PACSIN2: variants seen among roughly 807,000 people sequenced by gnomAD.
PACSIN2 encodes the protein protein kinase C and casein kinase substrate in neurons 2.
A neutral mutation model predicts 63.8 loss-of-function variants in PACSIN2; 25 were observed. The ratio of observed to expected loss-of-function variants is 0.39; its 90% confidence interval spans 0.29 to 0.55. PACSIN2 has a LOEUF of 0.55. Among genes scored for constraint, PACSIN2 ranks in the 20% least tolerant of loss-of-function variants. PACSIN2 has a pLI of 0.62. For synonymous variants in PACSIN2, 255 were observed against 256.2 expected (o/e 1.00, Z 0.05); for missense variants, 518 against 646.9 (o/e 0.80, Z 2.16).
At chr22:42,910,135 C>G (rs376979947) in intron 2 of PACSIN2, among the ~76,000 whole-genome samples, 60 of 152,318 alleles carry the variant, frequency 3.9e-4, no homozygotes, top group Admixed American at 1.1e-3. Flanking sequence ...CCCAGACCTC[C>G]TGGCTCCAAA....
intron 8 of PACSIN2, among the ~76,000 whole-genome samples, 185 bp downstream of exon 8, chr22:42,878,863 G>A (rs879757340): frequency 2.6e-5 from 4 of 151,910 alleles, no homozygotes; most frequent in Non-Finnish European, 5.9e-5. Context: ...ATGCCCCTGG[G>A]CCACGGCCCA....
At chr22:42,993,434 G>C (rs1923185742) in intron 1 of PACSIN2, among the ~76,000 whole-genome samples, 1 of 152,070 alleles carries the variant, frequency 6.6e-6, no homozygotes. Flanking sequence ...CAATAAAACT[G>C]TTTCAAATTT....
chr22:42,895,249 G>A (rs1930197150), intron 2 of PACSIN2, among the ~76,000 whole-genome samples: 2 of 152,228 alleles, frequency 1.3e-5, no homozygotes, highest in Non-Finnish European at 2.9e-5. Flanking sequence ...GTGACATTAT[G>A]TGGTTGCTTC....
At chr22:43,010,708 G>A (rs188018484) in intron 1 of PACSIN2, among the ~76,000 whole-genome samples, 12 of 152,122 alleles carry the variant, frequency 7.9e-5, no homozygotes, top group Admixed American at 2.6e-4. Flanking sequence ...GCGAGACTCC[G>A]TCTCAACAAC....
At chr22:42,985,565 G>A (rs1191164332) in intron 1 of PACSIN2, among the ~76,000 whole-genome samples, 1 of 152,046 alleles carries the variant, frequency 6.6e-6, no homozygotes, top group Non-Finnish European at 1.5e-5. Context: ...TCCAGCCCTC[G>A]CTCGGCCAAC....
rs201358924 is a variant in PACSIN2 at position 42,871,320 on chromosome 22, G to A, written c.*37C>T. 6,694 of 1,369,698 alleles carry A rather than the reference G, an allele frequency of 4.9e-3. 40 individuals are homozygous for A. Among genetic ancestry groups the A allele is most frequent in the Non-Finnish European group, 4.9e-3 (4,751 of 967,796 alleles). The allele number at this position is 1,369,698 out of a possible 1,614,324, so 84.8% of individuals were successfully genotyped here. A position where few individuals can be genotyped will look rare whatever the true frequency, so the allele number is the denominator to read the frequency against. On this transcript the variant is annotated 3_prime_UTR_variant, in exon 11 of 11. Transcript: ENST00000263246. This position sits in a 1 kb window ranked among gnomAD's most constrained non-coding sequence, Gnocchi z 5.4. The stretch of plus-strand genomic sequence containing the variant: ...GTGGCTGGCTGAGGCTCCTGGGCCC[G>A]CCGCCTCCGTCCCCCCGCTGGCCTG...
intron 1 of PACSIN2, among the ~76,000 whole-genome samples, chr22:42,924,223 C>T (rs1302363336): frequency 1.3e-5 from 2 of 152,194 alleles, no homozygotes; most frequent in East Asian, 3.9e-4. Context: ...GACCAGACCC[C>T]CTGCATCTCT....
chr22:42,943,159 G>C (rs1933251813), intron 1 of PACSIN2, among the ~76,000 whole-genome samples: 1 of 152,118 alleles, frequency 6.6e-6, no homozygotes, highest in Admixed American at 6.5e-5. Context: ...TATAATAAAT[G>C]AAACTGTTTT....
chr22:42,963,318 A>G (rs1040627610), intron 1 of PACSIN2, among the ~76,000 whole-genome samples: 3 of 152,228 alleles, frequency 2.0e-5, no homozygotes, highest in African/African-American at 7.2e-5. Flanking sequence ...TTAAGGCGGA[A>G]GAAAATTCAG....
chr22:42,907,486 C>G (rs1019771394), intron 2 of PACSIN2, among the ~76,000 whole-genome samples: 1 of 152,230 alleles, frequency 6.6e-6, no homozygotes. Flanking sequence ...TATGTGAGCA[C>G]GGTGGGGTGA....
chr22:42,877,249 C>T (rs1184559376), intron 8 of PACSIN2, among the ~76,000 whole-genome samples: 2 of 152,176 alleles, frequency 1.3e-5, no homozygotes, highest in African/African-American at 4.8e-5. Flanking sequence ...CACCTGGAGA[C>T]AGTCCGTCCA....
At chr22:42,999,268 C>A (rs1191425081) in intron 1 of PACSIN2, among the ~76,000 whole-genome samples, 2 of 152,186 alleles carry the variant, frequency 1.3e-5, no homozygotes, top group Non-Finnish European at 2.9e-5. Context: ...AGCAAACCAG[C>A]CACACCCCTG....
chr22:42,928,608 T>G (rs1186414188), intron 1 of PACSIN2, among the ~76,000 whole-genome samples: 1 of 152,170 alleles, frequency 6.6e-6, no homozygotes, highest in Non-Finnish European at 1.5e-5. Context: ...CAGTAGATGG[T>G]GTTAATGTCT....
At chr22:42,888,879 G>A in intron 4 of PACSIN2, 81 bp from the exon 5 acceptor site, 5 of 1,428,558 alleles carry the variant, frequency 3.5e-6, no homozygotes, top group Non-Finnish European at 3.9e-6. Flanking sequence ...CCATGGGAAT[G>A]CTTGTGCTAC....
chr22:42,912,573 G>A (rs1931534011), intron 1 of PACSIN2, among the ~76,000 whole-genome samples: 1 of 152,206 alleles, frequency 6.6e-6, no homozygotes, highest in African/African-American at 2.4e-5. Flanking sequence ...CACCTTTACT[G>A]ACTCCGCCAC....
At chr22:42,953,608 T>C (rs1041402433) in intron 1 of PACSIN2, among the ~76,000 whole-genome samples, 6 of 152,228 alleles carry the variant, frequency 3.9e-5, no homozygotes, top group Admixed American at 6.5e-5. Flanking sequence ...TTGAGAGCTA[T>C]ATATTTAAAT....
At chr22:42,891,609 C>T (rs368396699) in intron 3 of PACSIN2, among the ~76,000 whole-genome samples, 2 of 152,162 alleles carry the variant, frequency 1.3e-5, no homozygotes, top group African/African-American at 4.8e-5. Flanking sequence ...ACCATGTTGG[C>T]CAGGCTGGCT....
intron 3 of PACSIN2, 149 bp from the exon 4 acceptor site, chr22:42,891,331 C>G (rs1191861355): frequency 1.7e-6 from 1 of 604,486 alleles, no homozygotes; most frequent in Non-Finnish European, 2.9e-6. Flanking sequence ...GACTCTGTGC[C>G]TTTTTCAGTT....
At chr22:42,971,358 A>G (rs1921252520) in intron 1 of PACSIN2, among the ~76,000 whole-genome samples, 1 of 152,210 alleles carries the variant, frequency 6.6e-6, no homozygotes, top group East Asian at 1.9e-4. Context: ...AGGTGCCAGG[A>G]CTGCAGACGG....
Sources: gnomAD v4.1 joint callset for allele counts (sites outside exome capture counted in the v4.1 genomes callset) on GRCh38, gnomAD v4.1.1 for gene constraint, Gnocchi (gnomAD v3.1) non-coding constraint, MANE v1.5 for transcripts, NCBI Gene and HGNC (gene_info 2026-07-23, HGNC 2026-07-21) for gene names.